PACS1: variants seen among roughly 807,000 people sequenced by gnomAD.
PACS1 encodes PACS-1.
In PACS1, 24 loss-of-function variants were observed where a neutral mutation model predicts 115.0. The ratio of observed to expected loss-of-function variants is 0.21; its 90% CI spans 0.15 to 0.29. The LOEUF is 0.29. Among genes scored for constraint, PACS1 ranks in the 10% least tolerant of loss-of-function variants. The pLI is 1.00. For synonymous variants in PACS1, 453 were observed against 504.5 expected (o/e 0.90, Z 1.37); for missense variants, 838 against 1,251.2 (o/e 0.67, Z 4.98).
chr11:66,149,563 C>T (rs7931544), intron 1 of PACS1, among the ~76,000 whole-genome samples: 31,206 of 151,926 alleles, frequency 0.21, 3,289 homozygotes, highest in Middle Eastern at 0.28. Context: ...TATAAACATA[C>T]ACATTTTAAA....
chr11:66,242,861 G>T (rs767098000), intron 22 of PACS1, 51 bp from the exon 23 acceptor site: 1 of 1,610,636 alleles, frequency 6.2e-7, no homozygotes, highest in Non-Finnish European at 8.5e-7. Context: ...GAGGAGAGGG[G>T]TGGCGGCTTC....
intron 1 of PACS1, among the ~76,000 whole-genome samples, chr11:66,190,626 A>G (rs1854497879): frequency 6.6e-6 from 1 of 152,124 alleles, no homozygotes; most frequent in South Asian, 2.1e-4. Flanking sequence ...GGGCTCAAGC[A>G]GTCCTCCCAC....
At chr11:66,096,209 C>CTTTTTTT (rs66569530) in intron 1 of PACS1, among the ~76,000 whole-genome samples, 38 of 119,480 alleles carry the variant, frequency 3.2e-4, no homozygotes, top group East Asian at 5.8e-4. Flanking sequence ...CTTTTTCTTT[C>CTTTTTTT]TTTTTTTTTT....
chr11:66,082,227 G>C (rs1424378343), intron 1 of PACS1, among the ~76,000 whole-genome samples: 1 of 152,000 alleles, frequency 6.6e-6, no homozygotes, highest in Non-Finnish European at 1.5e-5. Flanking sequence ...TTTTGGTTTT[G>C]TTTGTTTGTT....
chr11:66,231,251 T>G (rs573578645), intron 13 of PACS1, among the ~76,000 whole-genome samples: 20 of 152,358 alleles, frequency 1.3e-4, no homozygotes, highest in African/African-American at 4.3e-4. Flanking sequence ...CCATCAGACG[T>G]CAGTCTGGAG....
intron 7 of PACS1, chr11:66,217,433 C>A (rs1855239175): frequency 2.5e-5 from 10 of 399,184 alleles, no homozygotes; most frequent in South Asian, 1.6e-4. Flanking sequence ...GTGGGAGGGC[C>A]AGAAGTGCTG....
intron 1 of PACS1, among the ~76,000 whole-genome samples, chr11:66,093,308 G>T (rs368993849): frequency 6.6e-6 from 1 of 151,420 alleles, no homozygotes; most frequent in East Asian, 1.9e-4. Context: ...CCCATCTCAC[G>T]TGCAGAGACA....
At chr11:66,134,497 G>GT (rs1421802193) in intron 1 of PACS1, among the ~76,000 whole-genome samples, 5 of 151,704 alleles carry the variant, frequency 3.3e-5, no homozygotes, top group African/African-American at 1.2e-4. Context: ...GACACGCTAC[G>GT]TATCGTTGCC....
At chr11:66,102,771 T>G (rs1156506735) in intron 1 of PACS1, among the ~76,000 whole-genome samples, 1 of 152,206 alleles carries the variant, frequency 6.6e-6, no homozygotes, top group East Asian at 1.9e-4. Flanking sequence ...TTTCTCTTTG[T>G]AGGTTGGATT....
intron 10 of PACS1, chr11:66,221,457 C>G: frequency 1.8e-6 from 1 of 561,306 alleles, no homozygotes. Flanking sequence ...AGCATTCTGG[C>G]CAACATGGTG....
chr11:66,074,539 T>C (rs993376622), intron 1 of PACS1, among the ~76,000 whole-genome samples: 3 of 152,216 alleles, frequency 2.0e-5, no homozygotes, highest in Non-Finnish European at 4.4e-5. Context: ...ATTCAAAATT[T>C]CCTCAGTGGC....
At chr11:66,229,425 G>T (rs376180265) in intron 11 of PACS1, among the ~76,000 whole-genome samples, 29 of 151,548 alleles carry the variant, frequency 1.9e-4, no homozygotes, top group African/African-American at 6.5e-4. Context: ...TTAGGCTGGG[G>T]GCGGTGGTTC....
At chr11:66,076,711 G>T (rs1857405644) in intron 1 of PACS1, among the ~76,000 whole-genome samples, 1 of 152,188 alleles carries the variant, frequency 6.6e-6, no homozygotes, top group South Asian at 2.1e-4. Context: ...ACTTGAAGGT[G>T]TTGATGTAGA....
At chr11:66,176,252 G>A (rs543031133) in intron 1 of PACS1, among the ~76,000 whole-genome samples, 4 of 152,134 alleles carry the variant, frequency 2.6e-5, no homozygotes, top group Non-Finnish European at 5.9e-5. Context: ...ATCTCTGGTA[G>A]TCTGCAATGT....
At chr11:66,130,353 A>G (rs1230198000) in intron 1 of PACS1, among the ~76,000 whole-genome samples, 1 of 152,130 alleles carries the variant, frequency 6.6e-6, no homozygotes, top group Non-Finnish European at 1.5e-5. Context: ...GCAGAAGGAA[A>G]CTTCCTTCTG....
At chr11:66,123,856 T>C (rs1565115693) in intron 1 of PACS1, among the ~76,000 whole-genome samples, 2 of 151,912 alleles carry the variant, frequency 1.3e-5, no homozygotes, top group Non-Finnish European at 1.5e-5. Flanking sequence ...TTTTTTTTTT[T>C]AAGACAATGC....
rs1855885244 is a variant in PACS1 at position 66,244,651 on chromosome 11, G to C, written c.*1371G>C. ...TCCCAGGGCTCAGCCCTGCTGTCCTGAGCGTCTCCTGGGCCAGAGAGAGGA... is the reference window on the plus strand; with the variant it reads ...TCCCAGGGCTCAGCCCTGCTGTCCTCAGCGTCTCCTGGGCCAGAGAGAGGA... On this transcript the variant is annotated 3_prime_UTR_variant, in exon 24 of 24. Transcript: ENST00000320580. 6.6e-6 allele frequency: 1 copy of C among 152,310 alleles called. No individual in the cohort carries two copies. The highest frequency in any genetic ancestry group is 2.4e-5 in the African/African-American group (1 of 41,468). 9.4% of individuals were successfully genotyped at this position (152,310 alleles called of 1,614,324 possible).
intron 1 of PACS1, among the ~76,000 whole-genome samples, chr11:66,187,167 C>T (rs1854401773): frequency 6.6e-6 from 1 of 152,066 alleles, no homozygotes; most frequent in Non-Finnish European, 1.5e-5. Flanking sequence ...CTGCTTTGAA[C>T]CTTATTTTTT....
chr11:66,089,488 A>G (rs529541693), intron 1 of PACS1, among the ~76,000 whole-genome samples: 33 of 152,310 alleles, frequency 2.2e-4, no homozygotes, highest in African/African-American at 7.9e-4. Context: ...TCTGCTTACA[A>G]GCTTCCTGGT....
Sources: allele counts gnomAD v4.1 joint callset (sites outside exome capture counted in the v4.1 genomes callset), GRCh38; gene constraint gnomAD v4.1.1; transcripts MANE v1.5; gene names NCBI Gene and HGNC (gene_info 2026-07-23, HGNC 2026-07-21).